KAZN: variants seen among roughly 807,000 people sequenced by gnomAD.
The protein encoded by KAZN is kazrin.
KAZN carries 40 observed loss-of-function variants against 87.4 expected under a neutral mutation model. That is an observed-to-expected ratio of 0.46 (90% CI 0.36 to 0.60). The LOEUF (loss-of-function observed/expected upper bound fraction) is 0.60. KAZN is among the 20% of genes least tolerant of loss of function. KAZN has a pLI of 0.00. For missense variants in KAZN, 898 were observed against 1,073.9 expected, an observed-to-expected ratio of 0.84 and a Z score of 2.29; for synonymous variants, 466 against 458.3, an observed-to-expected ratio of 1.02 and a Z score of -0.22.
intron 1 of KAZN, among the ~76,000 whole-genome samples, chr1:14,175,105 T>C (rs1169834085): frequency 1.3e-5 from 2 of 152,084 alleles, no homozygotes; most frequent in Non-Finnish European, 2.9e-5. Context: ...ATGGGTTTTG[T>C]TTTCGTTTTT....
At chr1:14,035,923 A>C (rs992134684) in intron 1 of KAZN, among the ~76,000 whole-genome samples, 1 of 152,220 alleles carries the variant, frequency 6.6e-6, no homozygotes, top group African/African-American at 2.4e-5. Context: ...TGAGGTGGAG[A>C]AAATCATTTC....
chr1:14,027,553 G>A (rs921885037), intron 1 of KAZN, among the ~76,000 whole-genome samples: 2 of 152,126 alleles, frequency 1.3e-5, no homozygotes, highest in South Asian at 2.1e-4. Context: ...AGAGAAGGTT[G>A]CAATAGCTTC....
intron 1 of KAZN, among the ~76,000 whole-genome samples, chr1:14,179,375 T>C (rs1420139489): frequency 6.6e-6 from 1 of 152,238 alleles, no homozygotes; most frequent in Non-Finnish European, 1.5e-5. Flanking sequence ...AACTTGCTTT[T>C]TCATATTTTC....
chr1:14,858,428 G>T (rs1650429453), intron 1 of KAZN, among the ~76,000 whole-genome samples: 1 of 151,980 alleles, frequency 6.6e-6, no homozygotes, highest in African/African-American at 2.4e-5. Context: ...GGCCTGGCTG[G>T]TCTCGAACTC....
At chr1:14,767,157 TC>T (rs1322063545) in intron 1 of KAZN, among the ~76,000 whole-genome samples, 1 of 152,188 alleles carries the variant, frequency 6.6e-6, no homozygotes, top group African/African-American at 2.4e-5. Flanking sequence ...GGGTTAAACA[TC>T]CCGTAAGCAT....
chr1:14,146,962 C>T (rs1191176664), intron 1 of KAZN, among the ~76,000 whole-genome samples: 1 of 152,038 alleles, frequency 6.6e-6, no homozygotes, highest in African/African-American at 2.4e-5. Flanking sequence ...CCAACCTCTC[C>T]CCTTCTTTCT....
intron 1 of KAZN, among the ~76,000 whole-genome samples, chr1:14,775,259 G>A (rs1431130953): frequency 3.9e-5 from 6 of 152,232 alleles, no homozygotes; most frequent in African/African-American, 1.4e-4. Context: ...TTAGTAATGT[G>A]TGTCTTTGTT....
chr1:15,034,938 C>T (rs968476547), intron 3 of KAZN, 53 bp downstream of exon 3: 2 of 1,596,990 alleles, frequency 1.3e-6, no homozygotes, highest in Non-Finnish European at 1.7e-6. Context: ...GCTCCCACCT[C>T]CCCTGCTGGC....
chr1:14,414,784 G>A (rs1350624153), intron 2 of KAZN, among the ~76,000 whole-genome samples: 1 of 152,106 alleles, frequency 6.6e-6, no homozygotes, highest in Non-Finnish European at 1.5e-5. Context: ...CAGCATTTTG[G>A]GAGGCCGAGG....
chr1:15,109,771 C>CTG (rs75441344), intron 13 of KAZN, among the ~76,000 whole-genome samples: 128,069 of 147,964 alleles, frequency 0.87, 54,350 homozygotes, highest in East Asian at 0.94. Context: ...GTCTGTATGT[C>CTG]TGTGTATATA....
Position 14,803,486 on chromosome 1 carries a change from G to A in KAZN, c.227-157198G>A, listed in dbSNP as rs114858019. 4.3e-3 allele frequency among the ~76,000 whole-genome samples: 658 copies of A among 152,348 alleles called. 7 individuals carry two copies. Among genetic ancestry groups the A allele is most frequent in the Middle Eastern group, 0.017 (5 of 294 alleles). ...CATCCTCCTTCTGACCCTGATGGCAGGAATGTCTAGCTGGGCGGGAGAGGG... is the reference window on the plus strand; with the variant it reads ...CATCCTCCTTCTGACCCTGATGGCAAGAATGTCTAGCTGGGCGGGAGAGGG... On this transcript the variant is annotated intron_variant, in intron 1 of 14. Coordinates refer to ENST00000376030, the MANE Select transcript of KAZN (RefSeq NM_201628.3).
intron 1 of KAZN, among the ~76,000 whole-genome samples, chr1:14,056,891 T>C (rs1642582974): frequency 6.6e-6 from 1 of 151,860 alleles, no homozygotes; most frequent in African/African-American, 2.4e-5. Context: ...TCAAAATCAG[T>C]CTCTTGGCCA....
chr1:14,759,939 C>T (rs139468941), intron 1 of KAZN, among the ~76,000 whole-genome samples: 6 of 152,242 alleles, frequency 3.9e-5, no homozygotes, highest in East Asian at 3.9e-4. Context: ...CTTTGCCTCC[C>T]GGCCTCCGAG....
intron 1 of KAZN, among the ~76,000 whole-genome samples, chr1:14,039,274 C>T (rs553468628): frequency 2.5e-4 from 38 of 152,264 alleles, no homozygotes; most frequent in Non-Finnish European, 5.1e-4. Flanking sequence ...TGGTAAATTG[C>T]AGAGCCAAGA....
At chr1:14,807,545 G>A (rs1412225076) in intron 1 of KAZN, among the ~76,000 whole-genome samples, 3 of 152,156 alleles carry the variant, frequency 2.0e-5, no homozygotes, top group African/African-American at 7.2e-5. Flanking sequence ...AAAGCGGGAG[G>A]ATCACTTGAG....
chr1:14,235,586 T>G (rs1022788672), intron 2 of KAZN, among the ~76,000 whole-genome samples: 1 of 152,194 alleles, frequency 6.6e-6, no homozygotes, highest in East Asian at 1.9e-4. Context: ...TTTGTCACTT[T>G]AAAAGGGTGA....
intron 2 of KAZN, among the ~76,000 whole-genome samples, chr1:14,356,088 T>C (rs927790916): frequency 6.6e-6 from 1 of 152,252 alleles, no homozygotes; most frequent in South Asian, 2.1e-4. Flanking sequence ...CTCTCCAGCA[T>C]CTGTTGTTTC....
chr1:14,375,507 G>C (rs1463767187), intron 2 of KAZN, among the ~76,000 whole-genome samples: 1 of 152,120 alleles, frequency 6.6e-6, no homozygotes, highest in Non-Finnish European at 1.5e-5. Flanking sequence ...CATACTAAGA[G>C]GCCCTGAAAA....
At position 15,081,516 on chromosome 1, in the gene KAZN, C is replaced by A. The variant is rs147689922; in HGVS notation, c.1223-12664C>A. ...ATAATTACACAACTGTTCGTTTCAG[C>A]TGTGAGAGATGTCATGCAGGAAAGG... is the stretch of plus-strand genomic sequence containing the variant. On this transcript the variant is annotated intron_variant, in intron 8 of 14. Transcript: ENST00000376030. The surrounding 1 kb of genome is among the most constrained non-coding windows in gnomAD (Gnocchi z 4.1). Among the ~76,000 whole-genome samples, 334 of 152,166 alleles carry A rather than the reference C, an allele frequency of 2.2e-3. 1 individual carries two copies. The highest frequency in any genetic ancestry group is 7.8e-3 in the African/African-American group (322 of 41,506).
Sources: gnomAD v4.1 joint callset for allele counts (sites outside exome capture counted in the v4.1 genomes callset) on GRCh38, gnomAD v4.1.1 for gene constraint, Gnocchi (gnomAD v3.1) non-coding constraint, MANE v1.5 for transcripts, NCBI Gene and HGNC (gene_info 2026-07-23, HGNC 2026-07-21) for gene names.